EFTUD2: variants seen among roughly 807,000 people sequenced by gnomAD.
EFTUD2 encodes the protein elongation factor Tu GTP binding domain containing 2, also known as 116 kDa U5 small nuclear ribonucleoprotein component.
A neutral mutation model predicts 114.3 loss-of-function variants in EFTUD2; 9 were observed. The observed-to-expected ratio is 0.08, with a 90% CI of 0.05 to 0.14. EFTUD2 has a LOEUF of 0.14. Among genes scored for constraint, EFTUD2 ranks in the 10% least tolerant of loss-of-function variants. The pLI is 1.00. For missense variants in EFTUD2, 765 were observed against 1,241.2 expected, an observed-to-expected ratio of 0.62 and a Z score of 5.76; for synonymous variants, 449 against 462.3, an observed-to-expected ratio of 0.97 and a Z score of 0.37.
intron 11 of EFTUD2, 81 bp from the exon 12 acceptor site, chr17:44,868,431 T>C: frequency 1.4e-6 from 2 of 1,400,920 alleles, no homozygotes; most frequent in Non-Finnish European, 2.0e-6. Flanking sequence ...AGGTGGTTCA[T>C]AGCTGAGAAC....
At chr17:44,897,013 G>A (rs1171721574) in intron 1 of EFTUD2, among the ~76,000 whole-genome samples, 1 of 151,932 alleles carries the variant, frequency 6.6e-6, no homozygotes, top group African/African-American at 2.4e-5. Context: ...TCAGGAGATC[G>A]AGACCATCCT....
At chr17:44,890,728 T>C (rs989993624) in intron 2 of EFTUD2, among the ~76,000 whole-genome samples, 1 of 152,092 alleles carries the variant, frequency 6.6e-6, no homozygotes. Context: ...ATGCATCTTG[T>C]GGACTAGGAG....
At chr17:44,860,963 A>G (rs2050647413) in intron 16 of EFTUD2, among the ~76,000 whole-genome samples, 3 of 152,196 alleles carry the variant, frequency 2.0e-5, no homozygotes, top group Admixed American at 2.0e-4. Flanking sequence ...AAACAGATAC[A>G]TTCTAGCAGG....
Position 44,854,040 on chromosome 17 carries a change from A to C in EFTUD2, c.2347+229T>G. The C allele has an allele frequency of 7.3e-7, 1 of 1,377,870 alleles. No individual in the cohort carries two copies. 85.4% of individuals were successfully genotyped at this position (1,377,870 alleles called of 1,614,324 possible). ...ATACGTCCAACGCCAAACCCTTCTC[A>C]GAAATGAGGAGCAAATGACAGTTTA... is the stretch of plus-strand genomic sequence containing the variant. On this transcript the variant is annotated intron_variant, in intron 23 of 27. Transcript: ENST00000426333. This position sits in a 1 kb window ranked among gnomAD's most constrained non-coding sequence, Gnocchi z 4.3.
intron 17 of EFTUD2, 173 bp from the exon 18 acceptor site, chr17:44,860,218 C>A (rs900133953): frequency 2.2e-6 from 2 of 912,578 alleles, no homozygotes; most frequent in African/African-American, 1.7e-5. Context: ...GGTATTCTGG[C>A]AGAACAAAGA....
At chr17:44,883,055 A>C in intron 6 of EFTUD2, 38 bp downstream of exon 6, 1 of 1,605,064 alleles carries the variant, frequency 6.2e-7, no homozygotes, top group Non-Finnish European at 8.5e-7. Context: ...TCTGTTCTGA[A>C]TGGTTCATCC....
chr17:44,852,654 C>T (rs1342132149), intron 25 of EFTUD2, 92 bp from the exon 26 acceptor site: 2 of 1,446,238 alleles, frequency 1.4e-6, no homozygotes, highest in Admixed American at 2.1e-5. Flanking sequence ...AAATGCATTC[C>T]AGCCCAGAGT....
At chr17:44,887,971 T>G (rs1258602284) in intron 2 of EFTUD2, among the ~76,000 whole-genome samples, 2 of 152,208 alleles carry the variant, frequency 1.3e-5, no homozygotes, top group Non-Finnish European at 2.9e-5. Flanking sequence ...ACTTAATATG[T>G]GCTAAGCACT....
intron 9 of EFTUD2, among the ~76,000 whole-genome samples, chr17:44,877,875 T>A (rs1240193164): frequency 6.6e-6 from 1 of 151,642 alleles, no homozygotes; most frequent in African/African-American, 2.4e-5. Context: ...CTCACGCCTG[T>A]AATCTCCACA....
chr17:44,879,449 A>T, intron 9 of EFTUD2, 107 bp downstream of exon 9: 8 of 1,088,306 alleles, frequency 7.4e-6, no homozygotes, highest in Non-Finnish European at 1.4e-6. Flanking sequence ...AATCCCAGAG[A>T]GTTTCAAGTT....
Position 44,881,838 on chromosome 17 carries a change from G to C in EFTUD2, c.493-116C>G, listed in dbSNP as rs573242816. 4.7e-3 allele frequency: 4,331 copies of C among 930,814 alleles called. 19 individuals are homozygous for C. The highest frequency in any genetic ancestry group is 7.1e-3 in the Middle Eastern group (30 of 4,196). 57.7% of individuals were successfully genotyped at this position (930,814 alleles called of 1,614,324 possible). A position where few individuals can be genotyped will look rare whatever the true frequency, so the allele number is the denominator to read the frequency against. On this transcript the variant is annotated intron_variant, in intron 6 of 27. Transcript: ENST00000426333. ...TCAAGGGTTTCTTTGAGATTAAAGA[G>C]AGAGAGAGAGCAGGGTGTCCCCACA...
At chr17:44,898,289 T>G (rs2051433308) in intron 1 of EFTUD2, among the ~76,000 whole-genome samples, 1 of 151,990 alleles carries the variant, frequency 6.6e-6, no homozygotes, top group African/African-American at 2.4e-5. Flanking sequence ...ACGATCTCAG[T>G]TCACTGCAAC....
intron 24 of EFTUD2, 46 bp downstream of exon 24, chr17:44,853,471 C>T (rs1209983865): frequency 1.2e-6 from 2 of 1,610,164 alleles, no homozygotes; most frequent in Non-Finnish European, 8.5e-7. Flanking sequence ...TCACTTAGTC[C>T]CCTGTCCAGT....
intron 1 of EFTUD2, among the ~76,000 whole-genome samples, chr17:44,897,334 TCTTCA>T (rs1474023687): frequency 4.6e-5 from 7 of 152,154 alleles, no homozygotes; most frequent in African/African-American, 1.7e-4. Flanking sequence ...CTGCTTCTTC[TCTTCA>T]CTTCTTTTAT....
At chr17:44,881,622 C>A in intron 7 of EFTUD2, 65 bp downstream of exon 7, 1 of 1,558,190 alleles carries the variant, frequency 6.4e-7, no homozygotes, top group South Asian at 1.1e-5. Flanking sequence ...CCTCTACATT[C>A]CCTACAAAAC....
intron 13 of EFTUD2, among the ~76,000 whole-genome samples, chr17:44,867,312 T>C (rs945321725): frequency 4.5e-4 from 68 of 150,086 alleles, no homozygotes; most frequent in African/African-American, 1.6e-3. Context: ...TTTTTTTTTT[T>C]TTTTGGTGAC....
In EFTUD2 at chr17:44,854,179, C is replaced by T. The variant is rs1032065271; in HGVS notation, c.2347+90G>A. On this transcript the variant is annotated intron_variant, in intron 23 of 27. Transcript: ENST00000426333. This position sits in a 1 kb window ranked among gnomAD's most constrained non-coding sequence, Gnocchi z 4.3. The stretch of plus-strand genomic sequence containing the variant: ...GTGTACCCCAAGCTGCTTCTCCTGC[C>T]GAATCCTAAAGATGGTGAGCCCATC... 1.2e-5 allele frequency: 17 copies of T among 1,458,680 alleles called. No individual in the cohort carries two copies. Among genetic ancestry groups the T allele is most frequent in the African/African-American group, 5.7e-5 (4 of 70,576 alleles). The allele number at this position is 1,458,680 out of a possible 1,614,324, so 90.4% of individuals were successfully genotyped here. A position where few individuals can be genotyped will look rare whatever the true frequency, so the allele number is the denominator to read the frequency against.
intron 26 of EFTUD2, 121 bp downstream of exon 26, chr17:44,852,285 AGAG>A: frequency 2.4e-6 from 3 of 1,227,672 alleles, no homozygotes; most frequent in Non-Finnish European, 3.4e-6. Context: ...TATGCTCCCC[AGAG>A]GAGGACTCTT....
intron 8 of EFTUD2, 131 bp downstream of exon 8, chr17:44,880,423 G>C: frequency 1.6e-6 from 1 of 612,424 alleles, no homozygotes; most frequent in African/African-American, 1.8e-5. Flanking sequence ...AGTCAAAATG[G>C]AAAATGGTTT....
Sources: gnomAD v4.1 joint callset for allele counts (sites outside exome capture counted in the v4.1 genomes callset) on GRCh38, gnomAD v4.1.1 for gene constraint, Gnocchi (gnomAD v3.1) non-coding constraint, MANE v1.5 for transcripts, NCBI Gene and HGNC (gene_info 2026-07-23, HGNC 2026-07-21) for gene names.